SCN11A: variants seen among roughly 807,000 people sequenced by gnomAD.
SCN11A encodes the protein sodium voltage-gated channel alpha subunit 11, also known as sodium channel protein type 11 subunit alpha.
In SCN11A, 122 loss-of-function variants were observed where a neutral mutation model predicts 162.2. The ratio of observed to expected loss-of-function variants is 0.75; its 90% confidence interval spans 0.65 to 0.87. The LOEUF (loss-of-function observed/expected upper bound fraction) is 0.87. Among genes scored for constraint, SCN11A ranks in the 40% least tolerant of loss-of-function variants. The pLI, the probability that SCN11A is intolerant of heterozygous loss-of-function variation, is 0.00. For synonymous variants in SCN11A, 758 were observed against 751.5 expected, an observed-to-expected ratio of 1.01 and a Z score of -0.14; for missense variants, 2,015 against 2,181.6, an observed-to-expected ratio of 0.92 and a Z score of 1.52.
chr3:38,928,017 G>A (rs1189401823), intron 7 of SCN11A, among the ~76,000 whole-genome samples: 1 of 152,150 alleles, frequency 6.6e-6, no homozygotes, highest in Non-Finnish European at 1.5e-5. Context: ...CCACAAGGGT[G>A]ACAAGACTAT....
chr3:38,902,728 A>G (rs2065722581), intron 16 of SCN11A, among the ~76,000 whole-genome samples: 1 of 152,180 alleles, frequency 6.6e-6, no homozygotes. Flanking sequence ...CGTGTTAGCC[A>G]GGATGGTCTT....
intron 6 of SCN11A, 54 bp downstream of exon 6, chr3:38,946,735 C>A: frequency 8.9e-7 from 1 of 1,124,868 alleles, no homozygotes; most frequent in Non-Finnish European, 1.3e-6. Flanking sequence ...CACCGTGGGG[C>A]ACGTGCACTT....
chr3:38,896,658 G>C (rs996941300), intron 18 of SCN11A, among the ~76,000 whole-genome samples, 187 bp downstream of exon 18: 2 of 152,062 alleles, frequency 1.3e-5, no homozygotes, highest in African/African-American at 2.4e-5. Flanking sequence ...AGTAATATGT[G>C]TCAAAGAGGT....
chr3:38,890,655 A>C (rs2065484309), intron 19 of SCN11A, among the ~76,000 whole-genome samples: 1 of 152,272 alleles, frequency 6.6e-6, no homozygotes, highest in Non-Finnish European at 1.5e-5. Context: ...TAGAGCAATT[A>C]TCCAGCAATT....
intron 2 of SCN11A, among the ~76,000 whole-genome samples, chr3:39,016,315 T>C (rs2031287116): frequency 6.6e-6 from 1 of 152,228 alleles, no homozygotes; most frequent in South Asian, 2.1e-4. Flanking sequence ...GCTTTAGTTG[T>C]TCAGGGGTGA....
At chr3:39,030,173 G>A (rs1278338387) in intron 2 of SCN11A, among the ~76,000 whole-genome samples, 2 of 152,314 alleles carry the variant, frequency 1.3e-5, no homozygotes, top group South Asian at 2.1e-4. Flanking sequence ...GGGGCATGGC[G>A]AGGAGAAGCC....
At chr3:38,955,447 G>A (rs1447312770) in intron 3 of SCN11A, among the ~76,000 whole-genome samples, 1 of 152,172 alleles carries the variant, frequency 6.6e-6, no homozygotes. Context: ...GAAGAATCAA[G>A]TATTCTTTAA....
At position 38,950,078 on chromosome 3, in the gene SCN11A, C is replaced by CCCCCCCCCCCCCCCCCACCCCCCG. The variant is rs1553644472; in HGVS notation, c.267+17_267+18insCGGGGGGTGGGGGGGGGGGGGGGG. The CCCCCCCCCCCCCCCCCACCCCCCG allele has an allele frequency of 7.1e-6, 1 of 139,972 alleles. No individual in the cohort carries two copies. Among genetic ancestry groups the CCCCCCCCCCCCCCCCCACCCCCCG allele is most frequent in the Admixed American group, 7.2e-5 (1 of 13,920 alleles). 8.7% of individuals were successfully genotyped at this position (139,972 alleles called of 1,614,324 possible). A position where few individuals can be genotyped will look rare whatever the true frequency, so the allele number is the denominator to read the frequency against. ...GAACACCCCCACCCCCACCCCCCCC[C>CCCCCCCCCCCCCCCCCACCCCCCG]CCCGCCCAATGAAGTACCTTATGAT... On this transcript the variant is annotated intron_variant, in intron 5 of 29. Transcript: ENST00000302328.
intron 3 of SCN11A, among the ~76,000 whole-genome samples, chr3:38,957,040 C>A (rs916566090): frequency 1.3e-5 from 2 of 152,078 alleles, no homozygotes; most frequent in East Asian, 3.9e-4. Flanking sequence ...AGGGACAATT[C>A]AAAAACTTCT....
intron 2 of SCN11A, among the ~76,000 whole-genome samples, chr3:38,995,815 A>G (rs75710752): frequency 1.1e-4 from 15 of 133,658 alleles, no homozygotes; most frequent in African/African-American, 4.6e-4. Context: ...CTATCTATCT[A>G]TCTGTCTATC....
At position 38,905,247 on chromosome 3, in the gene SCN11A, A is replaced by G. The variant is rs1358399709; in HGVS notation, c.1548T>C (p.Pro516=). The G allele has an allele frequency of 6.2e-7, 1 of 1,613,944 alleles. No individual in the cohort carries two copies. Among genetic ancestry groups the G allele is most frequent in the Non-Finnish European group, 8.5e-7 (1 of 1,179,984 alleles). The change falls in exon 15 of 30, where the codon CCT becomes CCC. Residue 516 remains proline (P), a synonymous_variant. Coordinates refer to ENST00000302328, the MANE Select transcript of SCN11A (RefSeq NM_001349253.2). ...CACTCAGTGCTCTCTGCCTTTGGAG[A>G]GGATCTCCATGCTCATCAAAGTGGT... ...SLDHFDEHGD[P]LQRQRALSAV...
At chr3:39,012,037 A>G (rs886067093) in intron 2 of SCN11A, among the ~76,000 whole-genome samples, 3 of 152,214 alleles carry the variant, frequency 2.0e-5, no homozygotes, top group African/African-American at 7.2e-5. Flanking sequence ...ATAATATGAA[A>G]TTCTGGGGCC....
intron 23 of SCN11A, among the ~76,000 whole-genome samples, chr3:38,876,505 C>T (rs2065208707): frequency 6.6e-6 from 1 of 151,922 alleles, no homozygotes; most frequent in Non-Finnish European, 1.5e-5. Context: ...TCAATCAAAT[C>T]AGCAAGTAAA....
intron 3 of SCN11A, among the ~76,000 whole-genome samples, chr3:38,955,104 C>A (rs1236343658): frequency 1.3e-5 from 2 of 152,232 alleles, no homozygotes; most frequent in African/African-American, 4.8e-5. Flanking sequence ...GCCTGGCCAA[C>A]ATGGTGAAAA....
chr3:39,005,122 G>A (rs1255438839), intron 2 of SCN11A, among the ~76,000 whole-genome samples: 1 of 152,168 alleles, frequency 6.6e-6, no homozygotes, highest in African/African-American at 2.4e-5. Context: ...GTTTCACAAT[G>A]TTCTTCTATA....
At chr3:38,936,528 G>A (rs1422088234) in intron 7 of SCN11A, among the ~76,000 whole-genome samples, 1 of 151,634 alleles carries the variant, frequency 6.6e-6, no homozygotes, top group African/African-American at 2.4e-5. Context: ...AAAGTCTTCA[G>A]GATACAAAAT....
chr3:38,993,382 C>T (rs538295005), intron 2 of SCN11A, among the ~76,000 whole-genome samples: 2 of 152,328 alleles, frequency 1.3e-5, no homozygotes, highest in South Asian at 4.1e-4. Context: ...AGCTGGGTCT[C>T]ACTCTCCTCG....
chr3:38,985,495 T>C (rs942403197), intron 2 of SCN11A, among the ~76,000 whole-genome samples: 1 of 150,872 alleles, frequency 6.6e-6, no homozygotes, highest in African/African-American at 2.5e-5. Context: ...GTGGGGACAC[T>C]GTTGCAGGAG....
chr3:39,010,885 G>A (rs1281358680), intron 2 of SCN11A, among the ~76,000 whole-genome samples: 1 of 152,194 alleles, frequency 6.6e-6, no homozygotes, highest in Non-Finnish European at 1.5e-5. Context: ...GATTGCTGAG[G>A]AGGGGTGTGT....
Sources: allele counts gnomAD v4.1 joint callset (sites outside exome capture counted in the v4.1 genomes callset), GRCh38; gene constraint gnomAD v4.1.1; transcripts MANE v1.5; gene names NCBI Gene and HGNC (gene_info 2026-07-23, HGNC 2026-07-21).